SLC15A5: variants seen among roughly 807,000 people sequenced by gnomAD.
The protein encoded by SLC15A5 is Peptide/histidine transporter ENSP00000340402.
In SLC15A5, 58 loss-of-function variants were observed where a neutral mutation model predicts 56.1. The observed-to-expected ratio is 1.03, with a 90% CI of 0.84 to 1.29. The LOEUF is 1.29. Among genes scored for constraint, SLC15A5 ranks in the 50% most tolerant of loss-of-function variants. The probability of loss-of-function intolerance (pLI) is 0.00; values close to 1 mark genes in which losing one functional copy is unlikely to be tolerated. For synonymous variants in SLC15A5, 264 were observed against 250.5 expected (o/e 1.05, Z -0.51); for missense variants, 681 against 672.1 (o/e 1.01, Z -0.15).
chr12:16,272,622 G>C lies in SLC15A5; in HGVS notation c.523C>G (p.Pro175Ala), dbSNP rs944475461. The change falls in exon 2 of 9, where the codon CCA (proline) becomes GCA (alanine). Residue 175 changes from proline to alanine, a missense_variant. By Grantham distance (27) the Pro-to-Ala change is conservative. Transcript: ENST00000344941. ...TCCTGAAGGCCAAAAGCACCCAGTGGACAGACGATGGCTCTTACGCCTCCA... is the reference window on the plus strand; with the variant it reads ...TCCTGAAGGCCAAAAGCACCCAGTGCACAGACGATGGCTCTTACGCCTCCA... ...GIGGVRAIVCPLGAFGLQEYG... is the reference protein window; with the variant it reads ...GIGGVRAIVCALGAFGLQEYG... 1.0e-5 allele frequency: 16 copies of C among 1,536,888 alleles called. No individual in the cohort carries two copies. The highest frequency in any genetic ancestry group is 1.4e-5 in the Non-Finnish European group (16 of 1,146,704).
chr12:16,244,544 C>T lies in SLC15A5; in HGVS notation c.975+36G>A, dbSNP rs577492786. ...TGCACTGTTGACATGCAATCACTTT[C>T]CTGTTGTTGGGGTAGTACTCATCGC... On this transcript the variant is annotated intron_variant, in intron 4 of 8. Coordinates refer to ENST00000344941, the MANE Select transcript of SLC15A5 (RefSeq NM_001170798.1). 19 of 1,510,524 alleles carry T rather than the reference C, an allele frequency of 1.3e-5. No individual in the cohort carries two copies. The East Asian group carries it at 4.7e-4, about 37-fold the overall frequency. The allele number at this position is 1,510,524 out of a possible 1,614,324, so 93.6% of individuals were successfully genotyped here. A position where few individuals can be genotyped will look rare whatever the true frequency, so the allele number is the denominator to read the frequency against.
chr12:16,210,059 T>G (rs1355635046), intron 7 of SLC15A5, among the ~76,000 whole-genome samples: 1 of 152,216 alleles, frequency 6.6e-6, no homozygotes, highest in East Asian at 1.9e-4. Context: ...CCTCCTTTTT[T>G]GAATATTTTC....
rs769400897 is a variant in SLC15A5 at position 16,277,644 on chromosome 12, G to A, written c.42C>T (p.His14=). 56 of 1,535,800 alleles carry A rather than the reference G, an allele frequency of 3.6e-5. No homozygotes were observed. The highest frequency in any genetic ancestry group is 4.9e-5 in the Non-Finnish European group (56 of 1,146,032). Residue 14 remains histidine, a synonymous_variant, in exon 1 of 9, where the codon CAC becomes CAT. Transcript: ENST00000344941. The part of the protein sequence containing the change: ...TGFTITDEKV[H]LYHSIEKEKT... ...TCTCCTTCTCAATGCTGTGATATAA[G>A]TGTACTTTCTCATCAGTTATGGTAA... is the stretch of plus-strand genomic sequence containing the variant.
intron 1 of SLC15A5, 76 bp from the exon 2 acceptor site, chr12:16,272,859 T>C (rs985915818): frequency 1.6e-6 from 2 of 1,280,594 alleles, no homozygotes; most frequent in Non-Finnish European, 2.2e-6. Context: ...AAACAGGGTT[T>C]TTCTCTGACA....
rs1409327047 is a variant in SLC15A5, at chr12:16,272,557, T to C, written c.584+4A>G. On this transcript the variant is annotated splice_donor_region_variant and intron_variant, in intron 2 of 8. Transcript: ENST00000344941. ...TCTTTTCTCTCCTAGCCAGTGCTAC[T>C]TACCAGTTAAAAAAAGACATCGTTT... 3.9e-6 allele frequency: 6 copies of C among 1,536,448 alleles called. No individual in the cohort carries two copies. The highest frequency in any genetic ancestry group is 4.4e-6 in the Non-Finnish European group (5 of 1,146,438).
intron 2 of SLC15A5, among the ~76,000 whole-genome samples, chr12:16,266,072 T>C (rs536887241): frequency 3.3e-5 from 5 of 152,294 alleles, no homozygotes; most frequent in East Asian, 3.9e-4. Context: ...CGTGACCACA[T>C]TGAGCAAACT....
At chr12:16,230,560 A>AT (rs1259265123) in intron 5 of SLC15A5, among the ~76,000 whole-genome samples, 1 of 152,068 alleles carries the variant, frequency 6.6e-6, no homozygotes, top group African/African-American at 2.4e-5. Context: ...ATTTAGATGA[A>AT]TTTTTAATTA....
rs1218234015 is a variant in SLC15A5, at chr12:16,269,910, C to T, written c.584+2651G>A. Among the ~76,000 whole-genome samples the T allele has an allele frequency of 1.3e-5, 2 of 152,036 alleles. No homozygotes were observed. The highest frequency in any genetic ancestry group is 6.6e-5 in the Admixed American group (1 of 15,250). ...TCATTATCCTCCTTCTTTTTGCTTC[C>T]AGAAAAGAATCTGCACAGGTGTATT... On this transcript the variant is annotated intron_variant, in intron 2 of 8. Transcript: ENST00000344941. This position sits in a 1 kb window ranked among gnomAD's most constrained non-coding sequence, Gnocchi z 4.7.
chr12:16,258,335 T>C (rs1381074824), intron 2 of SLC15A5, among the ~76,000 whole-genome samples: 1 of 152,150 alleles, frequency 6.6e-6, no homozygotes, highest in Non-Finnish European at 1.5e-5. Context: ...TACTCAGAAA[T>C]ATCTGGGTTA....
intron 6 of SLC15A5, among the ~76,000 whole-genome samples, chr12:16,223,435 G>A (rs1242908965): frequency 6.6e-6 from 1 of 152,142 alleles, no homozygotes; most frequent in East Asian, 1.9e-4. Context: ...ATAAATAGAT[G>A]TACACACACA....
intron 5 of SLC15A5, among the ~76,000 whole-genome samples, chr12:16,230,937 CA>C (rs1366996505): frequency 6.7e-6 from 1 of 148,982 alleles, no homozygotes; most frequent in Non-Finnish European, 1.5e-5. Flanking sequence ...AAAAAAAAGA[CA>C]AAAAAACTTT....
chr12:16,206,855 T>G (rs1864024608), intron 7 of SLC15A5, among the ~76,000 whole-genome samples: 1 of 152,218 alleles, frequency 6.6e-6, no homozygotes, highest in Non-Finnish European at 1.5e-5. Flanking sequence ...TCACCTGAGC[T>G]GCAGAGAGAA....
chr12:16,231,264 G>T (rs1395354553), intron 5 of SLC15A5, among the ~76,000 whole-genome samples: 1 of 152,192 alleles, frequency 6.6e-6, no homozygotes, highest in Non-Finnish European at 1.5e-5. Flanking sequence ...AGTTAAGGTG[G>T]CTGATTGACC....
rs1390233469 is a variant in SLC15A5 at position 16,224,484 on chromosome 12, G to A, written c.1281C>T (p.Ser427=). 2 of 1,537,148 alleles carry A rather than the reference G, an allele frequency of 1.3e-6. No homozygotes were observed. The highest frequency in any genetic ancestry group is 1.7e-6 in the Non-Finnish European group (2 of 1,146,912). Residue 427 remains serine (S), a synonymous_variant, in exon 6 of 9, where the codon TCC becomes TCT. Coordinates refer to ENST00000344941, the MANE Select transcript of SLC15A5 (RefSeq NM_001170798.1). ...PLSGKVLTVS[S]MPCFYLILQY... is the part of the protein sequence containing the mutation. ...GAAGAATCAGGTAGAAACAGGGCAT[G>A]GAGGAAACAGTGAGAACTTTTCCTG...
At chr12:16,223,156 T>TC (rs5796656) in intron 6 of SLC15A5, among the ~76,000 whole-genome samples, 81,652 of 151,884 alleles carry the variant, frequency 0.54, 22,247 homozygotes, top group South Asian at 0.73. Flanking sequence ...TAAATATTTA[T>TC]TTTAAGGAGT....
rs117180817 is a variant in SLC15A5 at position 16,191,274 on chromosome 12, G to A, written c.1593-1459C>T. Among the ~76,000 whole-genome samples the A allele has an allele frequency of 2.1e-4, 32 of 151,772 alleles. No homozygotes were observed. The East Asian group carries it at 6.0e-3, about 28-fold the overall frequency. ...CCCTCACAAGATTGGTTTGGTTCTA[G>A]GACTTAACAATAAGATTGTATCAGA... On this transcript the variant is annotated intron_variant, in intron 8 of 8. Transcript: ENST00000344941.
chr12:16,261,691 A>G (rs1361235473), intron 2 of SLC15A5, among the ~76,000 whole-genome samples: 1 of 152,216 alleles, frequency 6.6e-6, no homozygotes, highest in East Asian at 1.9e-4. Context: ...CATTATCACA[A>G]CATGTGTATG....
At chr12:16,217,544 C>T (rs974540660) in intron 6 of SLC15A5, among the ~76,000 whole-genome samples, 1 of 152,144 alleles carries the variant, frequency 6.6e-6, no homozygotes, top group Non-Finnish European at 1.5e-5. Context: ...TTAAACTTTC[C>T]AGCCTCAATG....
intron 4 of SLC15A5, among the ~76,000 whole-genome samples, chr12:16,241,960 A>G (rs2136259274): frequency 6.6e-6 from 1 of 152,306 alleles, no homozygotes; most frequent in Non-Finnish European, 1.5e-5. Context: ...AAGTTCTGAA[A>G]TCATCGCCCT....
Sources: allele counts gnomAD v4.1 joint callset (sites outside exome capture counted in the v4.1 genomes callset), GRCh38; gene constraint gnomAD v4.1.1; non-coding constraint Gnocchi (gnomAD v3.1); transcripts MANE v1.5; gene names NCBI Gene and HGNC (gene_info 2026-07-23, HGNC 2026-07-21).